MBTD1: variants seen among roughly 807,000 people sequenced by gnomAD.
MBTD1 encodes the protein mbt domain containing 1.
MBTD1 carries 24 observed loss-of-function variants against 87.8 expected under a neutral mutation model. That is an observed-to-expected ratio of 0.27 (90% CI 0.20 to 0.38). The LOEUF is 0.38. Ranked by LOEUF, MBTD1 falls within the 10% of genes least tolerant of loss-of-function variation. The probability of loss-of-function intolerance (pLI) is 1.00; values close to 1 mark genes in which losing one functional copy is unlikely to be tolerated. For missense variants in MBTD1, 436 were observed against 760.2 expected (o/e 0.57, Z 5.02); for synonymous variants, 237 against 248.6 (o/e 0.95, Z 0.44).
intron 16 of MBTD1, among the ~76,000 whole-genome samples, chr17:51,190,215 A>T (rs190097064): frequency 2.0e-5 from 3 of 152,298 alleles, no homozygotes; most frequent in Admixed American, 6.5e-5. Context: ...TTGGCAAGTC[A>T]GCTGGAAAAA....
At position 51,206,155 on chromosome 17, in the gene MBTD1, T is replaced by C. The variant is rs562495217; in HGVS notation, c.604+733A>G. Among the ~76,000 whole-genome samples the C allele has an allele frequency of 4.6e-5, 7 of 152,342 alleles. No individual in the cohort carries two copies. The South Asian group carries it at 1.5e-3, about 32-fold the overall frequency. On this transcript the variant is annotated intron_variant, in intron 7 of 16. Coordinates refer to ENST00000586178, the MANE Select transcript of MBTD1 (RefSeq NM_017643.3). ...GTAGATTCCTAACATGTTTACTTCA[T>C]GAGCAGTAAAGGGCTTGGTATGGTG... is the stretch of plus-strand genomic sequence containing the variant.
At chr17:51,186,642 C>CTT (rs2050549663) in intron 16 of MBTD1, among the ~76,000 whole-genome samples, 1 of 152,036 alleles carries the variant, frequency 6.6e-6, no homozygotes, top group African/African-American at 2.4e-5. Context: ...GGCATGGTGG[C>CTT]AGGCGCCTGT....
Position 51,180,575 on chromosome 17 carries a change from C to T in MBTD1, c.*1G>A, listed in dbSNP as rs2050262086. Reference sequence around the variant, plus strand: ...CACCCGCCCTCAGTTTCTAAGCCACCTCATGGCTCTTGTTTGATGTAGAAG... The same window carrying T: ...CACCCGCCCTCAGTTTCTAAGCCACTTCATGGCTCTTGTTTGATGTAGAAG... On this transcript the variant is annotated 3_prime_UTR_variant, in exon 17 of 17. Transcript: ENST00000586178. The T allele has an allele frequency of 6.6e-7, 1 of 1,523,620 alleles. No homozygotes were observed. The highest frequency in any genetic ancestry group is 8.9e-7 in the Non-Finnish European group (1 of 1,122,648). The allele number at this position is 1,523,620 out of a possible 1,614,324, so 94.4% of individuals were successfully genotyped here. A position where few individuals can be genotyped will look rare whatever the true frequency, so the allele number is the denominator to read the frequency against.
At chr17:51,237,481 T>A (rs2053916242) in intron 2 of MBTD1, among the ~76,000 whole-genome samples, 1 of 152,070 alleles carries the variant, frequency 6.6e-6, no homozygotes, top group South Asian at 2.1e-4. Flanking sequence ...GTATCAAAAT[T>A]CAATGACTGA....
intron 14 of MBTD1, 81 bp downstream of exon 14, chr17:51,193,347 C>A: frequency 2.1e-6 from 2 of 941,814 alleles, no homozygotes; most frequent in Non-Finnish European, 3.3e-6. Context: ...TAATACAAGG[C>A]AAAGACATTT....
Position 51,179,528 on chromosome 17 carries a change from A to ATATATT in MBTD1, c.*1047_*1048insAATATA, listed in dbSNP as rs2050230782. On this transcript the variant is annotated 3_prime_UTR_variant, in exon 17 of 17. Transcript: ENST00000586178. ...TATATATATATATATATATATATAT[A>ATATATT]TATATATATGGAATTTTAAGAAAAT... 1 of 105,260 alleles carries ATATATT rather than the reference A, an allele frequency of 9.5e-6. No homozygotes were observed. Among genetic ancestry groups the ATATATT allele is most frequent in the Non-Finnish European group, 2.1e-5 (1 of 47,966 alleles). The allele number at this position is 105,260 out of a possible 1,614,324, so 6.5% of individuals were successfully genotyped here.
At position 51,259,893 on chromosome 17, in the gene MBTD1, G is replaced by A; in HGVS notation, c.-171C>T. The A allele has an allele frequency of 8.1e-7, 1 of 1,231,704 alleles. No homozygotes were observed. Among genetic ancestry groups the A allele is most frequent in the Admixed American group, 4.2e-5 (1 of 23,700 alleles). 76.3% of individuals were successfully genotyped at this position (1,231,704 alleles called of 1,614,324 possible). ...GGTAGGGGTTGTCCGTGCTCCCCGAGCCCGCGGCGCCCCCTCCCCGGGCTG... is the reference window on the plus strand; with the variant it reads ...GGTAGGGGTTGTCCGTGCTCCCCGAACCCGCGGCGCCCCCTCCCCGGGCTG... On this transcript the variant is annotated 5_prime_UTR_variant, in exon 1 of 17. Transcript: ENST00000586178.
intron 2 of MBTD1, chr17:51,250,408 C>T (rs371840606): frequency 9.2e-5 from 14 of 152,136 alleles, no homozygotes; most frequent in Non-Finnish European, 1.5e-4. Context: ...TCATCCTTTT[C>T]GAGTGTCCTC....
chr17:51,188,735 A>G (rs2050660221), intron 16 of MBTD1, among the ~76,000 whole-genome samples: 1 of 150,364 alleles, frequency 6.7e-6, no homozygotes, highest in African/African-American at 2.5e-5. Context: ...CTTATCCTCA[A>G]TTCCAACATT....
rs528679094 is a variant in MBTD1 at position 51,220,324 on chromosome 17, C to G, written c.288+6G>C. On this transcript the variant is annotated splice_donor_region_variant and intron_variant, in intron 4 of 16. Transcript: ENST00000586178. The stretch of plus-strand genomic sequence containing the variant: ...GATATAAGTAAGAAAGTTTCTGTAC[C>G]GTTACCTGAAGTCTGGCCAAAATGC... The G allele has an allele frequency of 6.5e-7, 1 of 1,544,668 alleles. No individual in the cohort carries two copies. Among genetic ancestry groups the G allele is most frequent in the Non-Finnish European group, 8.7e-7 (1 of 1,143,350 alleles).
chr17:51,194,040 T>A (rs1170905224), intron 13 of MBTD1, among the ~76,000 whole-genome samples: 1 of 152,252 alleles, frequency 6.6e-6, no homozygotes, highest in Non-Finnish European at 1.5e-5. Context: ...TTTTTCTGTT[T>A]ACTACAATGG....
At chr17:51,229,199 C>T (rs1302678363) in intron 2 of MBTD1, among the ~76,000 whole-genome samples, 1 of 151,976 alleles carries the variant, frequency 6.6e-6, no homozygotes, top group African/African-American at 2.4e-5. Context: ...CAAACCATTA[C>T]AAAACATTAA....
intron 12 of MBTD1, among the ~76,000 whole-genome samples, chr17:51,200,692 C>G (rs2051427881): frequency 6.6e-6 from 1 of 151,088 alleles, no homozygotes; most frequent in Admixed American, 6.6e-5. Context: ...GGTGAAATCC[C>G]ATCTCTACAA....
intron 2 of MBTD1, among the ~76,000 whole-genome samples, chr17:51,252,511 G>C (rs2054848407): frequency 6.6e-6 from 1 of 152,044 alleles, no homozygotes; most frequent in Non-Finnish European, 1.5e-5. Context: ...TGGATTACTT[G>C]AGGAGTAATC....
At position 51,206,928 on chromosome 17, in the gene MBTD1, A is replaced by G. The variant is rs759459698; in HGVS notation, c.564T>C (p.Pro188=). ...TTCCAGCAATCCAGAAGACTTTGGT[A>G]GGTAGGCTGCAGTCTGTATTGGGAA... ...VEVPNTDCSL[P]TKVFWIAGIV... is the part of the protein sequence containing the mutation. Residue 188 remains proline, a synonymous_variant, in exon 7 of 17, where the codon CCT becomes CCC. Coordinates refer to ENST00000586178, the MANE Select transcript of MBTD1 (RefSeq NM_017643.3). 2.2e-5 allele frequency: 35 copies of G among 1,613,744 alleles called. No homozygotes were observed. The highest frequency in any genetic ancestry group is 2.7e-5 in the Non-Finnish European group (32 of 1,179,676).
chr17:51,192,191 G>A lies in MBTD1; in HGVS notation c.1768+12C>T, dbSNP rs779953061. On this transcript the variant is annotated intron_variant, in intron 16 of 16. Coordinates refer to ENST00000586178, the MANE Select transcript of MBTD1 (RefSeq NM_017643.3). ...ATTAGAAAATGTATGTGAACACCAC[G>A]TGGTGACCCACTTTTCTTATGTCCT... The A allele has an allele frequency of 4.2e-5, 64 of 1,540,330 alleles. No homozygotes were observed. Among genetic ancestry groups the A allele is most frequent in the South Asian group, 3.7e-4 (31 of 83,694 alleles).
chr17:51,191,192 A>G (rs1488057428), intron 16 of MBTD1, among the ~76,000 whole-genome samples: 1 of 152,054 alleles, frequency 6.6e-6, no homozygotes, highest in East Asian at 1.9e-4. Flanking sequence ...AGTTATCAAT[A>G]TATTTTATAT....
chr17:51,234,371 C>A (rs566265415), intron 2 of MBTD1, among the ~76,000 whole-genome samples: 12 of 140,934 alleles, frequency 8.5e-5, no homozygotes, highest in Non-Finnish European at 1.8e-4. Flanking sequence ...CCAGCTTGGG[C>A]CACAGAGGAG....
At chr17:51,240,123 A>C (rs1045330511) in intron 2 of MBTD1, among the ~76,000 whole-genome samples, 1 of 152,158 alleles carries the variant, frequency 6.6e-6, no homozygotes, top group African/African-American at 2.4e-5. Context: ...AACTGTTCTC[A>C]AAAGTCTTTT....
Sources: allele counts gnomAD v4.1 joint callset (sites outside exome capture counted in the v4.1 genomes callset), GRCh38; gene constraint gnomAD v4.1.1; transcripts MANE v1.5; gene names NCBI Gene and HGNC (gene_info 2026-07-23, HGNC 2026-07-21).